Variants in CNTN3 observed in about 807,000 individuals in gnomAD.
CNTN3 encodes contactin 3, also known as contactin-3.
CNTN3 carries 60 observed loss-of-function variants against 119.1 expected under a neutral mutation model. The observed-to-expected ratio is 0.50, with a 90% CI of 0.41 to 0.62. The LOEUF is 0.62. Among genes scored for constraint, CNTN3 ranks in the 20% least tolerant of loss-of-function variants. The probability of loss-of-function intolerance (pLI) is 0.00; values close to 1 mark genes in which losing one functional copy is unlikely to be tolerated. For missense variants in CNTN3, 1,101 were observed against 1,242.4 expected (o/e 0.89, Z 1.71); for synonymous variants, 450 against 438.7 (o/e 1.03, Z -0.32).
At chr3:74,280,111 A>T (rs1447871562) in intron 20 of CNTN3, among the ~76,000 whole-genome samples, 1 of 152,102 alleles carries the variant, frequency 6.6e-6, no homozygotes, top group East Asian at 1.9e-4. Flanking sequence ...GTATCAAAAG[A>T]TCTCATGTAC....
chr3:74,574,336 A>G (rs1704380734), intron 1 of CNTN3, among the ~76,000 whole-genome samples: 1 of 152,154 alleles, frequency 6.6e-6, no homozygotes, highest in Admixed American at 6.5e-5. Context: ...TTTCTTTTAG[A>G]GTGATGAACA....
chr3:74,551,810 C>T (rs1314214775), intron 1 of CNTN3, among the ~76,000 whole-genome samples: 2 of 116,230 alleles, frequency 1.7e-5, no homozygotes, highest in African/African-American at 7.0e-5. Context: ...GTTGCCCAGG[C>T]TGGAGTGCAG....
intron 5 of CNTN3, among the ~76,000 whole-genome samples, chr3:74,407,574 A>G (rs9816231): frequency 0.73 from 109,977 of 151,456 alleles, 40,049 homozygotes; most frequent in East Asian, 0.83. Flanking sequence ...CGCCCGGCCA[A>G]GCCAAATATC....
Position 74,267,349 on chromosome 3 carries a change from AAAC to A in CNTN3, c.2731_2733del (p.Val911del). The stretch of plus-strand genomic sequence containing the variant: ...AACACTTTAGTGTCTGTGGCATTCC[AAAC>A]AACATTTCCTGGTGGCTGACTGGGA... On this transcript the variant is annotated inframe_deletion, in exon 21 of 23. Transcript: ENST00000263665. 3 of 1,613,248 alleles carry A rather than the reference AAAC, an allele frequency of 1.9e-6. No individual in the cohort carries two copies. The highest frequency in any genetic ancestry group is 2.5e-6 in the Non-Finnish European group (3 of 1,179,340).
At chr3:74,336,225 C>A (rs547804828) in intron 12 of CNTN3, among the ~76,000 whole-genome samples, 1 of 151,932 alleles carries the variant, frequency 6.6e-6, no homozygotes, top group Non-Finnish European at 1.5e-5. Flanking sequence ...CAAAGTGTAT[C>A]CTAAAGACCT....
intron 1 of CNTN3, among the ~76,000 whole-genome samples, chr3:74,528,166 G>C (rs967188481): frequency 1.3e-5 from 2 of 151,722 alleles, no homozygotes; most frequent in African/African-American, 4.8e-5. Context: ...TAATTATAAA[G>C]GGTATGTAGA....
intron 1 of CNTN3, among the ~76,000 whole-genome samples, chr3:74,603,061 G>A (rs1704937168): frequency 6.6e-6 from 1 of 152,096 alleles, no homozygotes; most frequent in African/African-American, 2.4e-5. Context: ...CTTACTCCAG[G>A]GCTGGGATGG....
chr3:74,421,528 G>A (rs537114996), intron 5 of CNTN3, among the ~76,000 whole-genome samples: 1 of 152,126 alleles, frequency 6.6e-6, no homozygotes, highest in African/African-American at 2.4e-5. Flanking sequence ...GCTGATATAA[G>A]AGGAAATACA....
rs531260689 is a variant in CNTN3 at position 74,410,357 on chromosome 3, C to G, written c.454+14488G>C. On this transcript the variant is annotated intron_variant, in intron 5 of 22. Transcript: ENST00000263665. The stretch of plus-strand genomic sequence containing the variant: ...CCATATAGATTTCATGTGAGAGCCA[C>G]AGGAAAAACAAAACACATCATGTGA... Among the ~76,000 whole-genome samples, 8 of 152,202 alleles carry G rather than the reference C, an allele frequency of 5.3e-5. No homozygotes were observed. In the South Asian group the frequency reaches 1.7e-3, roughly 32 times the overall value.
chr3:74,367,297 T>C (rs1431257199), intron 8 of CNTN3, among the ~76,000 whole-genome samples: 1 of 152,116 alleles, frequency 6.6e-6, no homozygotes, highest in African/African-American at 2.4e-5. Flanking sequence ...AGCAATAGTC[T>C]ACCTCTTTTA....
intron 5 of CNTN3, among the ~76,000 whole-genome samples, chr3:74,389,873 A>C (rs1182629155): frequency 6.6e-6 from 1 of 152,228 alleles, no homozygotes. Context: ...ACTACAATTT[A>C]GATCCCAAAC....
intron 1 of CNTN3, among the ~76,000 whole-genome samples, chr3:74,547,301 T>A (rs1234598065): frequency 6.6e-6 from 1 of 152,204 alleles, no homozygotes; most frequent in Non-Finnish European, 1.5e-5. Context: ...TCATTTTTAA[T>A]GATTACCTAT....
At chr3:74,432,800 C>G (rs556494819) in intron 4 of CNTN3, among the ~76,000 whole-genome samples, 1 of 152,316 alleles carries the variant, frequency 6.6e-6, no homozygotes, top group South Asian at 2.1e-4. Flanking sequence ...AGTGTCTCCT[C>G]CTTTTTTGTT....
chr3:74,447,326 T>C (rs2106939908), intron 4 of CNTN3, among the ~76,000 whole-genome samples: 1 of 152,300 alleles, frequency 6.6e-6, no homozygotes, highest in African/African-American at 2.4e-5. Context: ...ACAAATATCC[T>C]GACCTTTTCT....
chr3:74,267,179 A>G (rs1215767729), intron 21 of CNTN3, 87 bp downstream of exon 21: 1 of 744,926 alleles, frequency 1.3e-6, no homozygotes, highest in African/African-American at 1.8e-5. Context: ...CCATATCAAT[A>G]TATAGAAAAA....
chr3:74,611,746 T>C lies in CNTN3; in HGVS notation c.-81+2645A>G, dbSNP rs1006457770. On this transcript the variant is annotated intron_variant, in intron 1 of 22. Coordinates refer to ENST00000263665, the MANE Select transcript of CNTN3 (RefSeq NM_020872.3). ...ATTATATATGCATGTTAAAAGTATATGCATATGCATGTGTGCATATTAAAA... is the reference window on the plus strand; with the variant it reads ...ATTATATATGCATGTTAAAAGTATACGCATATGCATGTGTGCATATTAAAA... Among the ~76,000 whole-genome samples, 3 of 152,324 alleles carry C rather than the reference T, an allele frequency of 2.0e-5. No individual in the cohort carries two copies. The East Asian group carries it at 5.8e-4, about 29-fold the overall frequency.
chr3:74,502,282 G>A (rs542607093), intron 2 of CNTN3, among the ~76,000 whole-genome samples: 13 of 151,946 alleles, frequency 8.6e-5, no homozygotes, highest in Non-Finnish European at 1.8e-4. Context: ...TGGTTTAAAC[G>A]AAAAAGGCAA....
intron 5 of CNTN3, among the ~76,000 whole-genome samples, chr3:74,392,064 T>C (rs1442970339): frequency 6.6e-6 from 1 of 151,344 alleles, no homozygotes; most frequent in Non-Finnish European, 1.5e-5. Context: ...GGGGGAAAAA[T>C]ATGAGAAGTG....
At chr3:74,336,880 A>G (rs560855232) in intron 11 of CNTN3, among the ~76,000 whole-genome samples, 2 of 152,004 alleles carry the variant, frequency 1.3e-5, no homozygotes, top group Non-Finnish European at 2.9e-5. Flanking sequence ...ATGCTCCACC[A>G]ATTTGAACTT....
Sources: allele counts gnomAD v4.1 joint callset (sites outside exome capture counted in the v4.1 genomes callset), GRCh38; gene constraint gnomAD v4.1.1; transcripts MANE v1.5; gene names NCBI Gene and HGNC (gene_info 2026-07-23, HGNC 2026-07-21).